The following RBBP8 variants were observed in gnomAD, a reference collection of about 807,000 sequenced individuals.
RBBP8 encodes the protein DNA endonuclease RBBP8.
A neutral mutation model predicts 108.3 loss-of-function variants in RBBP8; 88 were observed. The observed-to-expected ratio is 0.81, with a 90% CI of 0.68 to 0.97. The LOEUF (loss-of-function observed/expected upper bound fraction) is 0.97. Among genes scored for constraint, RBBP8 ranks in the 50% least tolerant of loss-of-function variants. The probability of loss-of-function intolerance (pLI) is 0.00; values close to 1 mark genes in which losing one functional copy is unlikely to be tolerated. For synonymous variants in RBBP8, 332 were observed against 348.2 expected, an observed-to-expected ratio of 0.95 and a Z score of 0.52; for missense variants, 1,023 against 1,049.0, an observed-to-expected ratio of 0.98 and a Z score of 0.34.
At chr18:22,948,182 A>G (rs1911734404) in intron 3 of RBBP8, among the ~76,000 whole-genome samples, 1 of 152,090 alleles carries the variant, frequency 6.6e-6, no homozygotes, top group Admixed American at 6.6e-5. Context: ...TGTAATATTT[A>G]CTGTATTTTA....
intron 3 of RBBP8, among the ~76,000 whole-genome samples, chr18:22,947,837 T>G (rs1340987295): frequency 6.6e-6 from 1 of 152,126 alleles, no homozygotes; most frequent in African/African-American, 2.4e-5. Context: ...TTTCTTGACC[T>G]GAATATTTTA....
At chr18:23,022,042 CT>C (rs2046353423) in intron 17 of RBBP8, 86 bp from the exon 18 acceptor site, 8 of 1,125,990 alleles carry the variant, frequency 7.1e-6, no homozygotes, top group Non-Finnish European at 1.1e-5. Context: ...TAGTAAATGG[CT>C]TTTTTAGCTT....
upstream of RBBP8, among the ~76,000 whole-genome samples, chr18:22,931,631 C>T (rs2144362645): frequency 6.6e-6 from 1 of 152,140 alleles, no homozygotes; most frequent in East Asian, 1.9e-4. Context: ...GAATACTAAG[C>T]AGTTTACATA....
chr18:22,953,892 G>T (rs926366885), intron 4 of RBBP8, among the ~76,000 whole-genome samples: 1 of 152,080 alleles, frequency 6.6e-6, no homozygotes, highest in African/African-American at 2.4e-5. Context: ...ATGGCAGAAA[G>T]GGAAGCAAAC....
At chr18:23,018,155 G>A (rs2046293374) in intron 17 of RBBP8, among the ~76,000 whole-genome samples, 1 of 151,384 alleles carries the variant, frequency 6.6e-6, no homozygotes, top group Non-Finnish European at 1.5e-5. Flanking sequence ...GGGTTCAGAC[G>A]ATTCTCCTGC....
chr18:23,022,114 A>G lies in RBBP8; in HGVS notation c.2455-15A>G. ...TTATTCTTTAGTGAAAAAACTTACCAGTTTTTATTATTAGTATTATGCAGA... is the reference window on the plus strand; with the variant it reads ...TTATTCTTTAGTGAAAAAACTTACCGGTTTTTATTATTAGTATTATGCAGA... On this transcript the variant is annotated splice_polypyrimidine_tract_variant and intron_variant, in intron 17 of 18. Coordinates refer to ENST00000327155, the MANE Select transcript of RBBP8 (RefSeq NM_002894.3). 6.3e-7 allele frequency: 1 copy of G among 1,581,496 alleles called. No homozygotes were observed. Among genetic ancestry groups the G allele is most frequent in the Non-Finnish European group, 8.7e-7 (1 of 1,150,520 alleles).
chr18:23,008,081 G>C (rs2046089787), intron 16 of RBBP8, among the ~76,000 whole-genome samples: 1 of 152,062 alleles, frequency 6.6e-6, no homozygotes, highest in South Asian at 2.1e-4. Flanking sequence ...CAAAGTGCTG[G>C]GATTACAGGC....
intron 3 of RBBP8, among the ~76,000 whole-genome samples, chr18:22,948,868 A>G (rs1057367744): frequency 6.6e-6 from 1 of 152,220 alleles, no homozygotes; most frequent in African/African-American, 2.4e-5. Flanking sequence ...TTTATATAAT[A>G]AGGTGATTTT....
At chr18:22,944,548 C>T (rs531671451) in intron 2 of RBBP8, among the ~76,000 whole-genome samples, 1 of 152,304 alleles carries the variant, frequency 6.6e-6, no homozygotes, top group Admixed American at 6.5e-5. Flanking sequence ...AAACAACTCA[C>T]TTATTGAAGG....
chr18:22,941,618 A>G (rs1247162135), intron 2 of RBBP8, among the ~76,000 whole-genome samples: 2 of 152,150 alleles, frequency 1.3e-5, no homozygotes, highest in South Asian at 2.1e-4. Context: ...TAGGAACAAT[A>G]TGCCATATTT....
intron 16 of RBBP8, 114 bp downstream of exon 16, chr18:23,006,546 G>A (rs2046052669): frequency 1.1e-6 from 1 of 921,982 alleles, no homozygotes; most frequent in Non-Finnish European, 1.7e-6. Context: ...CTGTCACCCA[G>A]GCTAGAGTGC....
At chr18:22,949,433 A>G (rs997651902) in intron 3 of RBBP8, among the ~76,000 whole-genome samples, 185 bp from the exon 4 acceptor site, 5 of 152,222 alleles carry the variant, frequency 3.3e-5, no homozygotes, top group Non-Finnish European at 7.3e-5. Context: ...TTTATGGTAT[A>G]TAAGAGCTCT....
At chr18:22,959,338 G>A (rs185747317) in intron 4 of RBBP8, among the ~76,000 whole-genome samples, 161 of 152,200 alleles carry the variant, frequency 1.1e-3, no homozygotes, top group Non-Finnish European at 1.5e-3. Context: ...TGCCATTCTC[G>A]TGTTAATTCT....
In RBBP8 at chr18:22,993,072, C is replaced by T. The variant is rs779836052; in HGVS notation, c.1245C>T (p.Ser415=). The change falls in exon 11 of 19, where the codon TCC becomes TCT. Residue 415 remains serine, a synonymous_variant. Coordinates refer to ENST00000327155, the MANE Select transcript of RBBP8 (RefSeq NM_002894.3). ...QILINKNISE[S]LGEQNRTEYG... ...TTATAAATAAAAATATAAGTGAATC[C>T]CTAGGTGAACAGAATAGGACTGAGT... 2 of 1,613,020 alleles carry T rather than the reference C, an allele frequency of 1.2e-6. No homozygotes were observed. The highest frequency in any genetic ancestry group is 2.2e-5 in the East Asian group (1 of 44,858).
At chr18:23,019,211 A>G (rs895246429) in intron 17 of RBBP8, among the ~76,000 whole-genome samples, 23 of 152,356 alleles carry the variant, frequency 1.5e-4, no homozygotes, top group African/African-American at 5.3e-4. Context: ...CCATAATTCT[A>G]TGATCTAGAA....
chr18:22,970,570 G>A (rs1340222496), intron 5 of RBBP8, among the ~76,000 whole-genome samples: 1 of 152,136 alleles, frequency 6.6e-6, no homozygotes, highest in African/African-American at 2.4e-5. Context: ...GGGCAAAAAT[G>A]TATTAATAAT....
At position 22,975,318 on chromosome 18, in the gene RBBP8, A is replaced by T. The variant is rs377371014; in HGVS notation, c.428+99A>T. On this transcript the variant is annotated intron_variant, in intron 6 of 18. Coordinates refer to ENST00000327155, the MANE Select transcript of RBBP8 (RefSeq NM_002894.3). ...GCAGATTTCATTTTAAAAATTATGA[A>T]GTGTTCTGTAGTTAAAAAATACAAA... 15 of 1,481,824 alleles carry T rather than the reference A, an allele frequency of 1.0e-5. No homozygotes were observed. In the South Asian group the frequency reaches 1.8e-4, roughly 18 times the overall value. 91.8% of individuals were successfully genotyped at this position (1,481,824 alleles called of 1,614,324 possible).
intron 6 of RBBP8, 152 bp from the exon 7 acceptor site, chr18:22,982,066 C>A: frequency 1.2e-6 from 1 of 846,052 alleles, no homozygotes. Flanking sequence ...TGTAATCATT[C>A]GTGTACTTAT....
At chr18:22,997,827 C>T (rs983022401) in intron 14 of RBBP8, 93 bp downstream of exon 14, 9 of 868,922 alleles carry the variant, frequency 1.0e-5, no homozygotes, top group Admixed American at 2.0e-5. Flanking sequence ...GTGACCTCTT[C>T]ACCATAAAGC....
Sources: gnomAD v4.1 joint callset for allele counts (sites outside exome capture counted in the v4.1 genomes callset) on GRCh38, gnomAD v4.1.1 for gene constraint, MANE v1.5 for transcripts, NCBI Gene and HGNC (gene_info 2026-07-23, HGNC 2026-07-21) for gene names.